ZNF667: variants seen among roughly 807,000 people sequenced by gnomAD.
ZNF667 encodes myocardial ischemic preconditioning upregulated 1 ortholog.
Under a neutral mutation model 31.8 loss-of-function variants are expected in ZNF667, and 13 were observed. That is an observed-to-expected ratio of 0.41 (90% confidence interval 0.27 to 0.65). The LOEUF is 0.65. ZNF667 is among the 30% of genes least tolerant of loss of function. ZNF667 has a pLI of 0.32. For missense variants in ZNF667, 642 were observed against 725.6 expected (o/e 0.88, Z 1.32); for synonymous variants, 228 against 247.1 (o/e 0.92, Z 0.73).
chr19:56,454,709 ACAAT>A (rs1199177330), intron 6 of ZNF667, among the ~76,000 whole-genome samples: 3 of 82,150 alleles, frequency 3.7e-5, no homozygotes, highest in African/African-American at 1.1e-4. Context: ...ACGACCTAAA[ACAAT>A]CAAACTACTA....
intron 3 of ZNF667, 104 bp from the exon 4 acceptor site, chr19:56,462,533 GCACA>G (rs147246257): frequency 4.5e-5 from 32 of 711,046 alleles, no homozygotes; most frequent in Non-Finnish European, 6.9e-5. Context: ...ATATGCACGT[GCACA>G]CACACACACA....
At position 56,442,565 on chromosome 19, in the gene ZNF667, A is replaced by G; in HGVS notation, c.430T>C (p.Leu144=). The part of the protein sequence containing the change: ...PKKGHSGKKP[L]KCNDCGKTFS... Reference sequence around the variant, plus strand: ...GTTTTACCACAGTCATTACATTTTAAAGGTTTCTTCCCTGAATGCCCTTTC... The same window carrying G: ...GTTTTACCACAGTCATTACATTTTAGAGGTTTCTTCCCTGAATGCCCTTTC... Residue 144 remains leucine (L), a synonymous_variant, in exon 7 of 7, where the codon TTA becomes CTA. Coordinates refer to ENST00000504904, the MANE Select transcript of ZNF667 (RefSeq NM_001321356.2). 6.2e-7 allele frequency: 1 copy of G among 1,614,110 alleles called. No homozygotes were observed. Among genetic ancestry groups the G allele is most frequent in the Non-Finnish European group, 8.5e-7 (1 of 1,179,986 alleles).
chr19:56,451,444 C>T lies in ZNF667; in HGVS notation c.253+6711G>A, dbSNP rs1296756798. ...AGACAGAAAATCAACAAAGAAACAT[C>T]GGACCTAATGGACCTAATAGATATT... On this transcript the variant is annotated intron_variant, in intron 6 of 6. Coordinates refer to ENST00000504904, the MANE Select transcript of ZNF667 (RefSeq NM_001321356.2). Among the ~76,000 whole-genome samples, 8 of 152,150 alleles carry T rather than the reference C, an allele frequency of 5.3e-5. No homozygotes were observed. In the South Asian group the frequency reaches 6.2e-4, roughly 12 times the overall value.
At chr19:56,444,383 G>A (rs1017541575) in intron 6 of ZNF667, 3 of 395,354 alleles carry the variant, frequency 7.6e-6, no homozygotes, top group East Asian at 7.2e-5. Flanking sequence ...ATCAGATTTT[G>A]TAAGAATCAC....
chr19:56,440,886 G>A lies in ZNF667; in HGVS notation c.*276C>T, dbSNP rs903785177. On this transcript the variant is annotated 3_prime_UTR_variant, in exon 7 of 7. Transcript: ENST00000504904. ...GATCCGCCTGTCTCAGCCTCCCAAA[G>A]TGCTGGGGTTACAGGTGTAAGCCAC... 9 of 1,189,532 alleles carry A rather than the reference G, an allele frequency of 7.6e-6. No individual in the cohort carries two copies. Among genetic ancestry groups the A allele is most frequent in the Non-Finnish European group, 9.4e-6 (9 of 954,120 alleles). 73.7% of individuals were successfully genotyped at this position (1,189,532 alleles called of 1,614,324 possible).
chr19:56,441,889 C>T lies in ZNF667; in HGVS notation c.1106G>A (p.Arg369Gln), dbSNP rs772709398. ...KCDKCDKFFR[R>Q]LSTLILHLRI... Reference sequence around the variant, plus strand: ...TAGATGCAGAATAAGGGTTGAAAGCCGCCTGAAGAACTTGTCACATTTATC... The same window carrying T: ...TAGATGCAGAATAAGGGTTGAAAGCTGCCTGAAGAACTTGTCACATTTATC... Residue 369 changes from arginine to glutamine, a missense_variant, in exon 7 of 7, where the codon CGG (arginine) becomes CAG (glutamine). By Grantham distance (43) the Arg-to-Gln change is conservative. Transcript: ENST00000504904. This position sits in a 1 kb window ranked among gnomAD's most constrained non-coding sequence, Gnocchi z 4.2. 23 of 1,613,954 alleles carry T rather than the reference C, an allele frequency of 1.4e-5. No homozygotes were observed. Among genetic ancestry groups the T allele is most frequent in the South Asian group, 6.6e-5 (6 of 91,086 alleles).
intron 4 of ZNF667, among the ~76,000 whole-genome samples, chr19:56,461,467 T>G (rs1298875343): frequency 1.3e-5 from 2 of 152,178 alleles, no homozygotes; most frequent in African/African-American, 4.8e-5. Flanking sequence ...GAACTGAATC[T>G]GGCCAATAAC....
rs2042597057 is a variant in ZNF667, at chr19:56,441,373, G to C, written c.1622C>G (p.Ser541Cys). 2 of 1,613,986 alleles carry C rather than the reference G, an allele frequency of 1.2e-6. No homozygotes were observed. Among genetic ancestry groups the C allele is most frequent in the African/African-American group, 1.3e-5 (1 of 74,916 alleles). ...TCGKAFSQRT[S>C]LILHERSHTG... ...ATGACTTCTTTCATGTAGAATAAGA[G>C]ATGTGCGCTGACTAAAGGCCTTACC... is the stretch of plus-strand genomic sequence containing the variant. The change falls in exon 7 of 7, where the codon TCT (serine) becomes TGT (cysteine). Residue 541 changes from serine to cysteine, a missense_variant. Transcript: ENST00000504904. The surrounding 1 kb of genome is among the most constrained non-coding windows in gnomAD (Gnocchi z 4.2).
chr19:56,464,908 TC>T (rs1954687954), intron 3 of ZNF667, among the ~76,000 whole-genome samples: 1 of 152,226 alleles, frequency 6.6e-6, no homozygotes, highest in African/African-American at 2.4e-5. Flanking sequence ...CTGCAGCCAT[TC>T]CCTGGCCCTC....
intron 6 of ZNF667, among the ~76,000 whole-genome samples, chr19:56,455,708 A>T (rs945364933): frequency 6.6e-6 from 1 of 152,226 alleles, no homozygotes; most frequent in African/African-American, 2.4e-5. Flanking sequence ...TTGATAGCAC[A>T]ACTGGGTGAA....
At chr19:56,467,634 T>C (rs969666598) in intron 3 of ZNF667, 5 of 152,248 alleles carry the variant, frequency 3.3e-5, no homozygotes, top group African/African-American at 7.2e-5. Context: ...TCAGGAATGT[T>C]TGACTGACTG....
intron 4 of ZNF667, among the ~76,000 whole-genome samples, chr19:56,461,167 A>C (rs2043037492): frequency 6.6e-6 from 1 of 152,154 alleles, no homozygotes; most frequent in Admixed American, 6.5e-5. Flanking sequence ...TATGTTACAG[A>C]TGAGGAAACT....
chr19:56,467,717 C>T (rs564653465), intron 3 of ZNF667: 2 of 152,346 alleles, frequency 1.3e-5, no homozygotes, highest in African/African-American at 4.8e-5. Context: ...GCTTACAGAA[C>T]TCAGGCAAAT....
chr19:56,460,665 A>G (rs1600436636), intron 5 of ZNF667, 24 bp downstream of exon 5: 1 of 1,605,174 alleles, frequency 6.2e-7, no homozygotes, highest in Non-Finnish European at 8.5e-7. Context: ...CTGGTTCTGG[A>G]TTGTGGGGGA....
rs140798079 is a variant in ZNF667, at chr19:56,455,541, C to G, written c.253+2614G>C. Among the ~76,000 whole-genome samples, 3 of 152,260 alleles carry G rather than the reference C, an allele frequency of 2.0e-5. No homozygotes were observed. In the East Asian group the frequency reaches 5.8e-4, roughly 29 times the overall value. On this transcript the variant is annotated intron_variant, in intron 6 of 6. Transcript: ENST00000504904. ...CAGACACAGACAACCTTCACATGTT[C>G]TCACTCATTTGTGGGAGCTAAAAAT...
rs754650927 is a variant in ZNF667 at position 56,462,372 on chromosome 19, C to T, written c.-2G>A. On this transcript the variant is annotated 5_prime_UTR_variant, in exon 4 of 7. Transcript: ENST00000504904. ...GGATTTCCCCCGTGCAGAAGGCATCCTTTCCTCCCCCTTTAGGGTCCACAC... is the reference window on the plus strand; with the variant it reads ...GGATTTCCCCCGTGCAGAAGGCATCTTTTCCTCCCCCTTTAGGGTCCACAC... 1.9e-6 allele frequency: 3 copies of T among 1,614,214 alleles called. No homozygotes were observed. In the South Asian group the frequency reaches 3.3e-5, roughly 18 times the overall value.
At chr19:56,476,383 T>C (rs1217442543) in intron 1 of ZNF667, among the ~76,000 whole-genome samples, 1 of 152,134 alleles carries the variant, frequency 6.6e-6, no homozygotes, top group African/African-American at 2.4e-5. Context: ...CCCTGGTATG[T>C]GGACAAAGAT....
chr19:56,464,975 G>A (rs1039879275), intron 3 of ZNF667, among the ~76,000 whole-genome samples: 1 of 152,168 alleles, frequency 6.6e-6, no homozygotes, highest in African/African-American at 2.4e-5. Context: ...TTCCCTTACT[G>A]TGGAAAGCTT....
rs1456790480 is a variant in ZNF667 at position 56,470,628 on chromosome 19, G to A, written c.-60+1071C>T. ...ACCCTGGCAGGGCACGGGAGGCATCGGTGTGGTGAAATGCTTCCGGAAAAC... is the reference window on the plus strand; with the variant it reads ...ACCCTGGCAGGGCACGGGAGGCATCAGTGTGGTGAAATGCTTCCGGAAAAC... On this transcript the variant is annotated intron_variant, in intron 3 of 6. Transcript: ENST00000504904. 2.6e-5 allele frequency among the ~76,000 whole-genome samples: 4 copies of A among 152,128 alleles called. No homozygotes were observed. The East Asian group carries it at 5.8e-4, about 22-fold the overall frequency.
Sources: gnomAD v4.1 joint callset for allele counts (sites outside exome capture counted in the v4.1 genomes callset) on GRCh38, gnomAD v4.1.1 for gene constraint, Gnocchi (gnomAD v3.1) non-coding constraint, MANE v1.5 for transcripts, NCBI Gene and HGNC (gene_info 2026-07-23, HGNC 2026-07-21) for gene names.